The following CCNY variants were observed in gnomAD, a reference collection of about 807,000 sequenced individuals.
The protein encoded by CCNY is cyclin Y, also known as cyclin-Y.
In CCNY, 19 loss-of-function variants were observed where a neutral mutation model predicts 42.8. The ratio of observed to expected loss-of-function variants is 0.44; its 90% confidence interval spans 0.31 to 0.65. CCNY has a LOEUF of 0.65. Among genes scored for constraint, CCNY ranks in the 30% least tolerant of loss-of-function variants. CCNY has a pLI of 0.07. For synonymous variants in CCNY, 165 were observed against 162.7 expected (o/e 1.01, Z -0.11); for missense variants, 370 against 437.3 (o/e 0.85, Z 1.37).
At chr10:35,338,242 C>G (rs183704013) in intron 1 of CCNY, among the ~76,000 whole-genome samples, 1 of 152,334 alleles carries the variant, frequency 6.6e-6, no homozygotes, top group East Asian at 1.9e-4. Flanking sequence ...ATTCTCTCCA[C>G]TGTGGAAAGG....
chr10:35,278,801 AC>A (rs1835267091), intron 3 of CCNY, among the ~76,000 whole-genome samples: 2 of 152,076 alleles, frequency 1.3e-5, no homozygotes, highest in South Asian at 2.1e-4. Flanking sequence ...GCAGCTGTGA[AC>A]CTTCCCTGCC....
At chr10:35,346,274 C>A (rs1463883252) in intron 1 of CCNY, among the ~76,000 whole-genome samples, 1 of 152,180 alleles carries the variant, frequency 6.6e-6, no homozygotes, top group African/African-American at 2.4e-5. Flanking sequence ...ACCCCACCCA[C>A]CTTTTCTTTC....
intron 1 of CCNY, among the ~76,000 whole-genome samples, chr10:35,378,033 C>T (rs923089496): frequency 1.3e-5 from 2 of 152,166 alleles, no homozygotes; most frequent in African/African-American, 2.4e-5. Flanking sequence ...GACACTACCT[C>T]AAAATGTGAC....
At chr10:35,328,591 C>T (rs1263800167) in intron 3 of CCNY, among the ~76,000 whole-genome samples, 1 of 152,156 alleles carries the variant, frequency 6.6e-6, no homozygotes, top group African/African-American at 2.4e-5. Flanking sequence ...GGTTATATTA[C>T]ATCATGGAGA....
chr10:35,360,793 T>C (rs1413782580), intron 1 of CCNY, among the ~76,000 whole-genome samples: 1 of 152,030 alleles, frequency 6.6e-6, no homozygotes. Context: ...AATTTGATAA[T>C]ATATTAATAT....
intron 1 of CCNY, among the ~76,000 whole-genome samples, chr10:35,433,958 C>T (rs1283113119): frequency 2.0e-5 from 3 of 152,182 alleles, no homozygotes; most frequent in Non-Finnish European, 4.4e-5. Flanking sequence ...AGGAATTTGA[C>T]TAGTAGTGGC....
At chr10:35,247,672 C>T (rs962890175) in intron 1 of CCNY, among the ~76,000 whole-genome samples, 7 of 151,308 alleles carry the variant, frequency 4.6e-5, no homozygotes, top group African/African-American at 1.2e-4. Flanking sequence ...GTCAGGAGAT[C>T]GAGACCATCC....
chr10:35,440,542 C>T (rs753903236), intron 1 of CCNY, among the ~76,000 whole-genome samples: 1 of 152,214 alleles, frequency 6.6e-6, no homozygotes, highest in Non-Finnish European at 1.5e-5. Flanking sequence ...CTTCCCACCC[C>T]TCCTAGTGCT....
rs146873753 is a variant in CCNY at position 35,259,754 on chromosome 10, C to T, written c.-9+9128C>T. Among the ~76,000 whole-genome samples, 1,750 of 150,448 alleles carry T rather than the reference C, an allele frequency of 0.012. 46 individuals are homozygous for T. In the East Asian group the frequency reaches 0.12, roughly 11 times the overall value. On this transcript the variant is annotated intron_variant, in intron 3 of 11. Coordinates refer to the CCNY transcript ENST00000374706. ...CTCGAACTCCTGGCCTCAAGTGATC[C>T]GCCTGCCTCGGCCTCCCAAAGTGCT...
chr10:35,353,242 T>G lies in CCNY; in HGVS notation c.154+16035T>G, dbSNP rs571090467. 2.6e-5 allele frequency among the ~76,000 whole-genome samples: 4 copies of G among 152,330 alleles called. No homozygotes were observed. In the South Asian group the frequency reaches 8.3e-4, roughly 32 times the overall value. ...ACACGTGGTGGGTATATGTTCCTTT[T>G]GAAGTCAGTAGGTAGTTTAGTTGAA... On this transcript the variant is annotated intron_variant, in intron 1 of 9. Coordinates refer to ENST00000374704, the MANE Select transcript of CCNY (RefSeq NM_145012.6).
At chr10:35,409,261 G>C (rs915203474) in intron 1 of CCNY, among the ~76,000 whole-genome samples, 1 of 152,316 alleles carries the variant, frequency 6.6e-6, no homozygotes. Flanking sequence ...GAATCAAGTT[G>C]CAAGCCAGTG....
Position 35,494,238 on chromosome 10 carries a change from C to CT in CCNY, c.230-7263_230-7262insT, listed in dbSNP as rs979864762. On this transcript the variant is annotated intron_variant, in intron 2 of 9. Transcript: ENST00000374704. ...CAGCCTGGACAGCATAGTGAGACCC[C>CT]CCCCCCCATTTCTACAAAAAAATAA... 5.0e-5 allele frequency among the ~76,000 whole-genome samples: 7 copies of CT among 141,020 alleles called. 1 individual carries two copies. Among genetic ancestry groups the CT allele is most frequent in the African/African-American group, 1.8e-4 (7 of 37,992 alleles). The allele number at this position is 141,020 out of a possible 152,430, so 92.5% of individuals were successfully genotyped here.
intron 7 of CCNY, among the ~76,000 whole-genome samples, chr10:35,550,494 C>T (rs1841230539): frequency 6.6e-6 from 1 of 152,034 alleles, no homozygotes; most frequent in Non-Finnish European, 1.5e-5. Flanking sequence ...TCCTTTTGTC[C>T]CTCTACCCTT....
chr10:35,496,653 T>G lies in CCNY; in HGVS notation c.230-4848T>G, dbSNP rs1183746041. On this transcript the variant is annotated intron_variant, in intron 2 of 9. Coordinates refer to ENST00000374704, the MANE Select transcript of CCNY (RefSeq NM_145012.6). ...TTCAATACCAGCCTGGGCGACATAGTGAGATCTCATCTCTAAAAAAGAAAA... is the reference window on the plus strand; with the variant it reads ...TTCAATACCAGCCTGGGCGACATAGGGAGATCTCATCTCTAAAAAAGAAAA... Among the ~76,000 whole-genome samples, 3 of 152,002 alleles carry G rather than the reference T, an allele frequency of 2.0e-5. No individual in the cohort carries two copies. In the East Asian group the frequency reaches 5.8e-4, roughly 29 times the overall value.
At chr10:35,413,833 T>A (rs1197534761) in intron 1 of CCNY, among the ~76,000 whole-genome samples, 1 of 151,956 alleles carries the variant, frequency 6.6e-6, no homozygotes, top group South Asian at 2.1e-4. Context: ...CGGTAGAGAT[T>A]TGGAGGCTCA....
intron 1 of CCNY, among the ~76,000 whole-genome samples, chr10:35,481,592 C>T (rs1172874916): frequency 6.6e-6 from 1 of 152,172 alleles, no homozygotes; most frequent in East Asian, 1.9e-4. Context: ...CAGATGCTGT[C>T]TGAGGCCAAG....
intron 7 of CCNY, among the ~76,000 whole-genome samples, chr10:35,536,142 G>GT (rs1029752911): frequency 6.6e-6 from 1 of 152,180 alleles, no homozygotes; most frequent in Non-Finnish European, 1.5e-5. Flanking sequence ...CATGGCAGCA[G>GT]TTTCCCCCAT....
chr10:35,540,090 A>C (rs1840968339), intron 7 of CCNY, among the ~76,000 whole-genome samples: 1 of 152,156 alleles, frequency 6.6e-6, no homozygotes, highest in Non-Finnish European at 1.5e-5. Context: ...CACAGTTAGT[A>C]CCTCTAGTAA....
chr10:35,396,423 G>T (rs1384222028), intron 1 of CCNY, among the ~76,000 whole-genome samples: 1 of 152,216 alleles, frequency 6.6e-6, no homozygotes, highest in Non-Finnish European at 1.5e-5. Flanking sequence ...GGGGTGGGGG[G>T]CAGCCAGCCT....
Sources: gnomAD v4.1 joint callset for allele counts (sites outside exome capture counted in the v4.1 genomes callset) on GRCh38, gnomAD v4.1.1 for gene constraint, MANE v1.5 for transcripts, NCBI Gene and HGNC (gene_info 2026-07-23, HGNC 2026-07-21) for gene names.